ZNF26: variants seen among roughly 807,000 people sequenced by gnomAD.
ZNF26 encodes epididymis luminal protein 179.
A neutral mutation model predicts 54.9 loss-of-function variants in ZNF26; 32 were observed. That is an observed-to-expected ratio of 0.58 (90% CI 0.44 to 0.78). The LOEUF (loss-of-function observed/expected upper bound fraction) is 0.78, where lower values mean the gene tolerates loss of function less well. Among genes scored for constraint, ZNF26 ranks in the 30% least tolerant of loss-of-function variants. The probability of loss-of-function intolerance (pLI) is 0.00; values close to 1 mark genes in which losing one functional copy is unlikely to be tolerated. For synonymous variants in ZNF26, 221 were observed against 209.2 expected (o/e 1.06, Z -0.49); for missense variants, 524 against 634.0 (o/e 0.83, Z 1.86).
In ZNF26 at chr12:133,012,030, CTT is replaced by C. The variant is rs1265501364; in HGVS notation, c.*550_*551del. The C allele has an allele frequency of 6.6e-6, 1 of 152,026 alleles. No individual in the cohort carries two copies. The highest frequency in any genetic ancestry group is 2.4e-5 in the African/African-American group (1 of 41,390). The allele number at this position is 152,026 out of a possible 1,614,324, so 9.4% of individuals were successfully genotyped here. On this transcript the variant is annotated 3_prime_UTR_variant, in exon 4 of 4. Coordinates refer to ENST00000328654, the MANE Select transcript of ZNF26 (RefSeq NM_019591.4). ...TTTTGTACTTTATTTTTTAATGTAA[CTT>C]GTTCTATCTATCTATATATATATTT...
At chr12:132,996,152 G>A (rs1953077013) in intron 1 of ZNF26, among the ~76,000 whole-genome samples, 1 of 152,142 alleles carries the variant, frequency 6.6e-6, no homozygotes, top group Admixed American at 6.5e-5. Context: ...TGAGGCTGCG[G>A]GAGACTCAGT....
At position 133,004,233 on chromosome 12, in the gene ZNF26, T is replaced by C. The variant is rs746561703; in HGVS notation, c.34-2809T>C. Among the ~76,000 whole-genome samples, 265 of 152,300 alleles carry C rather than the reference T, an allele frequency of 1.7e-3. 1 individual carries two copies. The highest frequency in any genetic ancestry group is 4.1e-3 in the Admixed American group (62 of 15,296). On this transcript the variant is annotated intron_variant, in intron 1 of 3. Coordinates refer to ENST00000328654, the MANE Select transcript of ZNF26 (RefSeq NM_019591.4). ...GTCTTTAAGTTGTTCACAGGCACAC[T>C]GAACGTTTCCCTTTAAAACAAAGTC...
In ZNF26 at chr12:133,011,549, C is replaced by T; in HGVS notation, c.*68C>T. On this transcript the variant is annotated 3_prime_UTR_variant, in exon 4 of 4. Coordinates refer to ENST00000328654, the MANE Select transcript of ZNF26 (RefSeq NM_019591.4). ...CTTCGGATAATATAGACAGGATTTA[C>T]AAGCAGGAGGCCCTAAAATTACACT... is the stretch of plus-strand genomic sequence containing the variant. 4.2e-6 allele frequency: 6 copies of T among 1,439,690 alleles called. No individual in the cohort carries two copies. Among genetic ancestry groups the T allele is most frequent in the South Asian group, 1.7e-5 (1 of 60,604 alleles). 89.2% of individuals were successfully genotyped at this position (1,439,690 alleles called of 1,614,324 possible). A position where few individuals can be genotyped will look rare whatever the true frequency, so the allele number is the denominator to read the frequency against.
chr12:133,010,106 A>G, intron 3 of ZNF26, 30 bp from the exon 4 acceptor site: 1 of 1,563,832 alleles, frequency 6.4e-7, no homozygotes, highest in Non-Finnish European at 8.6e-7. Context: ...TTATGATTCA[A>G]AAAGTTATAT....
intron 1 of ZNF26, among the ~76,000 whole-genome samples, chr12:132,999,379 C>T (rs1189757159): frequency 1.3e-5 from 2 of 152,050 alleles, no homozygotes; most frequent in African/African-American, 2.4e-5. Context: ...CCTCAGCCTC[C>T]TGAGTAGCTG....
chr12:132,988,367 C>G (rs997207741), intron 1 of ZNF26, among the ~76,000 whole-genome samples: 1 of 152,024 alleles, frequency 6.6e-6, no homozygotes, highest in African/African-American at 2.4e-5. Context: ...TCCTGAGTAG[C>G]TGGGATTACA....
Position 133,012,080 on chromosome 12 carries a change from C to T in ZNF26, c.*599C>T, listed in dbSNP as rs1953488718. On this transcript the variant is annotated 3_prime_UTR_variant, in exon 4 of 4. Coordinates refer to ENST00000328654, the MANE Select transcript of ZNF26 (RefSeq NM_019591.4). ...TTTGATAGTTTGTGGAATAATATCC[C>T]CCAGTATTTTCCATATTAAATGCTA... 1 of 151,988 alleles carries T rather than the reference C, an allele frequency of 6.6e-6. No individual in the cohort carries two copies. The highest frequency in any genetic ancestry group is 2.1e-4 in the South Asian group (1 of 4,818). The allele number at this position is 151,988 out of a possible 1,614,324, so 9.4% of individuals were successfully genotyped here.
intron 1 of ZNF26, chr12:132,987,862 CCT>C (rs1952858016): frequency 2.9e-6 from 1 of 340,754 alleles, no homozygotes; most frequent in Non-Finnish European, 4.2e-6. Flanking sequence ...GATTTCTCCC[CCT>C]GTGAGTTTGT....
chr12:133,026,866 A>G lies in ZNF26; in HGVS notation c.*15385A>G, dbSNP rs1469478457. 2.0e-5 allele frequency: 3 copies of G among 152,338 alleles called. No individual in the cohort carries two copies. The South Asian group carries it at 6.2e-4, about 32-fold the overall frequency. 9.4% of individuals were successfully genotyped at this position (152,338 alleles called of 1,614,324 possible). On this transcript the variant is annotated 3_prime_UTR_variant, in exon 4 of 4. Coordinates refer to ENST00000328654, the MANE Select transcript of ZNF26 (RefSeq NM_019591.4). ...AAATAAATATGTCAAAGATAATTCA[A>G]TATTAAAGTTTATATATTTATCATT...
Position 133,010,680 on chromosome 12 carries a change from C to T in ZNF26, c.801C>T (p.Tyr267=). 1.2e-6 allele frequency: 2 copies of T among 1,613,878 alleles called. No individual in the cohort carries two copies. The highest frequency in any genetic ancestry group is 2.2e-5 in the South Asian group (2 of 91,062). ...PYGCSECGKA[Y]SWKSQLLLHQ... ...GCTGCAGTGAATGTGGGAAAGCCTACAGTTGGAAATCACAGCTTCTTTTAC... is the reference window on the plus strand; with the variant it reads ...GCTGCAGTGAATGTGGGAAAGCCTATAGTTGGAAATCACAGCTTCTTTTAC... The change falls in exon 4 of 4, where the codon TAC becomes TAT. Residue 267 remains tyrosine, a synonymous_variant. Coordinates refer to ENST00000328654, the MANE Select transcript of ZNF26 (RefSeq NM_019591.4).
rs559904678 is a variant in ZNF26 at position 133,014,527 on chromosome 12, G to GTT, written c.*3056_*3057dup. On this transcript the variant is annotated 3_prime_UTR_variant, in exon 4 of 4. Coordinates refer to ENST00000328654, the MANE Select transcript of ZNF26 (RefSeq NM_019591.4). The stretch of plus-strand genomic sequence containing the variant: ...AGCAGTGATGATGGTTTTGCTTTCT[G>GTT]TTTTTTTTTTTGTTTTGTTTTGTTT... 4 of 147,288 alleles carry GTT rather than the reference G, an allele frequency of 2.7e-5. No individual in the cohort carries two copies. Among genetic ancestry groups the GTT allele is most frequent in the South Asian group, 2.1e-4 (1 of 4,678 alleles). 9.1% of individuals were successfully genotyped at this position (147,288 alleles called of 1,614,324 possible).
Position 132,986,766 on chromosome 12 carries a change from G to GGACGCATCCCTCACGGTCTC in ZNF26, c.-74_-55dup. The GGACGCATCCCTCACGGTCTC allele has an allele frequency of 6.6e-7, 1 of 1,507,652 alleles. No homozygotes were observed. The highest frequency in any genetic ancestry group is 1.4e-5 in the African/African-American group (1 of 72,424). The allele number at this position is 1,507,652 out of a possible 1,614,324, so 93.4% of individuals were successfully genotyped here. On this transcript the variant is annotated 5_prime_UTR_variant, in exon 1 of 4. Transcript: ENST00000328654. ...CCTGGTCCCGCACCTGTCTTCGGGC[G>GGACGCATCCCTCACGGTCTC]GACGCATCCCTCACGGTCTCTCCGC...
At position 133,011,273 on chromosome 12, in the gene ZNF26, G is replaced by A; in HGVS notation, c.1394G>A (p.Arg465Lys). 6.2e-7 allele frequency: 1 copy of A among 1,613,698 alleles called. No individual in the cohort carries two copies. Among genetic ancestry groups the A allele is most frequent in the Admixed American group, 1.7e-5 (1 of 59,982 alleles). The change falls in exon 4 of 4, where the codon AGG (arginine) becomes AAG (lysine). Residue 465 changes from arginine (R) to lysine (K), a missense_variant. Transcript: ENST00000328654. ...ECNECEKAYP[R>K]KASLQIHQKT... Reference sequence around the variant, plus strand: ...AATGAATGTGAAAAAGCCTACCCTAGGAAGGCATCACTTCAGATACACCAG... The same window carrying A: ...AATGAATGTGAAAAAGCCTACCCTAAGAAGGCATCACTTCAGATACACCAG...
intron 1 of ZNF26, among the ~76,000 whole-genome samples, chr12:133,000,694 G>C (rs1953196694): frequency 6.6e-6 from 1 of 152,056 alleles, no homozygotes; most frequent in South Asian, 2.1e-4. Flanking sequence ...AAAGTGCTAG[G>C]ATTACAGGTG....
Position 133,022,698 on chromosome 12 carries a change from T to G in ZNF26, c.*11217T>G, listed in dbSNP as rs1953659731. On this transcript the variant is annotated 3_prime_UTR_variant, in exon 4 of 4. Transcript: ENST00000328654. ...TAAAGATGTAAAAGAATAAAGAGAC[T>G]ATTATCCAGTTGATAAAATATGCAA... is the stretch of plus-strand genomic sequence containing the variant. 1 of 152,230 alleles carries G rather than the reference T, an allele frequency of 6.6e-6. No homozygotes were observed. Among genetic ancestry groups the G allele is most frequent in the Non-Finnish European group, 1.5e-5 (1 of 68,036 alleles). 9.4% of individuals were successfully genotyped at this position (152,230 alleles called of 1,614,324 possible). A position where few individuals can be genotyped will look rare whatever the true frequency, so the allele number is the denominator to read the frequency against.
rs1953542185 is a variant in ZNF26, at chr12:133,014,680, G to C, written c.*3199G>C. 2.0e-5 allele frequency: 3 copies of C among 152,170 alleles called. No individual in the cohort carries two copies. The East Asian group carries it at 5.9e-4, about 30-fold the overall frequency. The allele number at this position is 152,170 out of a possible 1,614,324, so 9.4% of individuals were successfully genotyped here. ...CCTGCCTCAGCCTCCATAGTAGCTG[G>C]GATTACAGGTGTGTGCCACCGCGCC... is the stretch of plus-strand genomic sequence containing the variant. On this transcript the variant is annotated 3_prime_UTR_variant, in exon 4 of 4. Coordinates refer to ENST00000328654, the MANE Select transcript of ZNF26 (RefSeq NM_019591.4).
intron 3 of ZNF26, 84 bp from the exon 4 acceptor site, chr12:133,010,052 T>G: frequency 7.3e-7 from 1 of 1,373,730 alleles, no homozygotes; most frequent in Admixed American, 2.5e-5. Flanking sequence ...AAAGGTTGAT[T>G]ACATCACAGT....
intron 1 of ZNF26, chr12:133,004,962 C>T (rs1381516682): frequency 1.3e-5 from 2 of 152,078 alleles, no homozygotes; most frequent in Non-Finnish European, 2.9e-5. Flanking sequence ...CAGGTGTTCT[C>T]TTTATACTTT....
intron 1 of ZNF26, chr12:132,995,354 A>G (rs983562648): frequency 1.4e-4 from 21 of 147,768 alleles, no homozygotes; most frequent in African/African-American, 5.2e-4. Flanking sequence ...GTTGATGCTC[A>G]TTTCAGGGAT....
Sources: gnomAD v4.1 joint callset for allele counts (sites outside exome capture counted in the v4.1 genomes callset) on GRCh38, gnomAD v4.1.1 for gene constraint, MANE v1.5 for transcripts, NCBI Gene and HGNC (gene_info 2026-07-23, HGNC 2026-07-21) for gene names.